Variants in CHI3L2 observed in about 807,000 individuals in gnomAD.
CHI3L2 encodes chitinase-3-like protein 2.
CHI3L2 carries 47 observed loss-of-function variants against 47.3 expected under a neutral mutation model. That is an observed-to-expected ratio of 0.99 (90% CI 0.79 to 1.27). The LOEUF is 1.27. CHI3L2 is among the 50% of genes most tolerant of loss of function. The pLI is 0.00. For missense variants in CHI3L2, 497 were observed against 462.1 expected, an observed-to-expected ratio of 1.08 and a Z score of -0.69; for synonymous variants, 198 against 169.9, an observed-to-expected ratio of 1.17 and a Z score of -1.28.
At chr1:111,234,023 T>C (rs1373671005) in intron 4 of CHI3L2, among the ~76,000 whole-genome samples, 6 of 149,802 alleles carry the variant, frequency 4.0e-5, no homozygotes, top group African/African-American at 1.2e-4. Context: ...CACCACTCCC[T>C]AATCTCAAGT....
chr1:111,233,269 C>T (rs1486012834), intron 4 of CHI3L2, among the ~76,000 whole-genome samples: 4 of 152,012 alleles, frequency 2.6e-5, no homozygotes, highest in Admixed American at 2.0e-4. Context: ...TATTTGTGGC[C>T]GGGATGCTTG....
intron 1 of CHI3L2, among the ~76,000 whole-genome samples, chr1:111,228,204 C>G (rs2101542013): frequency 6.6e-6 from 1 of 152,236 alleles, no homozygotes; most frequent in African/African-American, 2.4e-5. Context: ...TTTTTAAACT[C>G]TCCCTTTCAA....
Position 111,234,952 on chromosome 1 carries a change from T to C in CHI3L2, c.375T>C (p.Ile125=), listed in dbSNP as rs922803383. Residue 125 remains isoleucine, a synonymous_variant, in exon 5 of 11, where the codon ATT becomes ATC. Transcript: ENST00000369748. ...VDSSTSRLEF[I]NSIILFLRNH... ...CTTCTACATCACGCTTGGAATTCAT[T>C]AACTCCATAATCCTGTTTCTGAGGA... is the stretch of plus-strand genomic sequence containing the variant. 6.2e-7 allele frequency: 1 copy of C among 1,614,118 alleles called. No homozygotes were observed. The highest frequency in any genetic ancestry group is 1.7e-5 in the Admixed American group (1 of 60,026).
At chr1:111,238,968 C>T (rs747333558) in intron 8 of CHI3L2, 36 bp downstream of exon 8, 39 of 1,532,720 alleles carry the variant, frequency 2.5e-5, no homozygotes, top group Non-Finnish European at 3.4e-5. Context: ...AGCTCCCTGC[C>T]ATGTCTGGGT....
At chr1:111,236,276 G>T in intron 7 of CHI3L2, 123 bp downstream of exon 7, 2 of 1,049,316 alleles carry the variant, frequency 1.9e-6, no homozygotes, top group African/African-American at 3.2e-5. Flanking sequence ...GAGGGAATTG[G>T]GTAGCCCCAG....
At chr1:111,236,264 A>C in intron 7 of CHI3L2, 111 bp downstream of exon 7, 15 of 1,228,356 alleles carry the variant, frequency 1.2e-5, no homozygotes, top group Non-Finnish European at 1.7e-5. Context: ...CTATGAGCCC[A>C]AGAGGGAATT....
intron 7 of CHI3L2, among the ~76,000 whole-genome samples, chr1:111,238,257 C>T (rs894621550): frequency 7.9e-5 from 12 of 152,204 alleles, no homozygotes; most frequent in Admixed American, 5.9e-4. Context: ...ATGGGCCATT[C>T]GTCACTCATA....
rs570265429 is a variant in CHI3L2 at position 111,233,305 on chromosome 1, T to C, written c.330-1602T>C. 2.0e-5 allele frequency among the ~76,000 whole-genome samples: 3 copies of C among 151,976 alleles called. No individual in the cohort carries two copies. The East Asian group carries it at 5.8e-4, about 29-fold the overall frequency. On this transcript the variant is annotated intron_variant, in intron 4 of 10. Coordinates refer to ENST00000369748, the MANE Select transcript of CHI3L2 (RefSeq NM_004000.3). ...TTTGGGGACCATGAAGTCACTGGAG[T>C]CCAGTTCTTTTTCCTGGAACTTCCC... is the stretch of plus-strand genomic sequence containing the variant.
intron 4 of CHI3L2, among the ~76,000 whole-genome samples, chr1:111,233,299 C>T (rs1659780159): frequency 2.0e-5 from 3 of 152,136 alleles, no homozygotes. Context: ...CATGAAGTCA[C>T]TGGAGTCCAG....
intron 9 of CHI3L2, among the ~76,000 whole-genome samples, chr1:111,241,688 G>A (rs1660062377): frequency 6.6e-6 from 1 of 152,202 alleles, no homozygotes; most frequent in Non-Finnish European, 1.5e-5. Flanking sequence ...ATTCTGATAA[G>A]TGAGGAGTGG....
chr1:111,236,101 GCC>G lies in CHI3L2; in HGVS notation c.685_686del (p.Pro229SerfsTer26). 1 of 1,614,180 alleles carries G rather than the reference GCC, an allele frequency of 6.2e-7. No individual in the cohort carries two copies. Among genetic ancestry groups the G allele is most frequent in the South Asian group, 1.1e-5 (1 of 91,086 alleles). Reference sequence around the variant, plus strand: ...AAGCCCCTTATCACTGGCCACAACAGCCCTCTGAGCAAGGGGTGGCAGGACAG... The same window carrying G: ...AAGCCCCTTATCACTGGCCACAACAGCTCTGAGCAAGGGGTGGCAGGACAG... On this transcript the variant is annotated frameshift_variant, in exon 7 of 11. Transcript: ENST00000369748. LOFTEE classifies it high-confidence loss of function.
Position 111,227,723 on chromosome 1 carries a change from C to G in CHI3L2, c.-7C>G, listed in dbSNP as rs1209943739. On this transcript the variant is annotated 5_prime_UTR_variant, in exon 1 of 11. Coordinates refer to ENST00000369748, the MANE Select transcript of CHI3L2 (RefSeq NM_004000.3). ...AATGTGTATCCCAGAAGAAGCTGGC[C>G]AAGGATATGGGAGCAACCACCATGG... is the stretch of plus-strand genomic sequence containing the variant. 1 of 1,614,046 alleles carries G rather than the reference C, an allele frequency of 6.2e-7. No homozygotes were observed. Among genetic ancestry groups the G allele is most frequent in the East Asian group, 2.2e-5 (1 of 44,884 alleles).
intron 7 of CHI3L2, 46 bp downstream of exon 7, chr1:111,236,199 G>A (rs201057979): frequency 9.9e-5 from 159 of 1,601,944 alleles, no homozygotes; most frequent in Non-Finnish European, 1.3e-4. Context: ...GTGGGGGTGG[G>A]GCTGGGGAGA....
Position 111,241,184 on chromosome 1 carries a change from G to A in CHI3L2, c.919-143G>A, listed in dbSNP as rs377169638. 49 of 711,922 alleles carry A rather than the reference G, an allele frequency of 6.9e-5. No individual in the cohort carries two copies. In the East Asian group the frequency reaches 1.1e-3, roughly 17 times the overall value. 44.1% of individuals were successfully genotyped at this position (711,922 alleles called of 1,614,324 possible). On this transcript the variant is annotated intron_variant, in intron 8 of 10. Coordinates refer to ENST00000369748, the MANE Select transcript of CHI3L2 (RefSeq NM_004000.3). ...ACACCCACTTCATATGATATATGTG[G>A]TCATTTCTCTCATTGTCTGATCCTT...
chr1:111,231,073 T>A, intron 3 of CHI3L2, 130 bp downstream of exon 3: 1 of 973,298 alleles, frequency 1.0e-6, no homozygotes, highest in Non-Finnish European at 1.6e-6. Context: ...GTATTTCTGA[T>A]CCTAACTGTT....
rs1272447761 is a variant in CHI3L2 at position 111,230,903 on chromosome 1, G to A, written c.232G>A (p.Glu78Lys). 3 of 1,614,178 alleles carry A rather than the reference G, an allele frequency of 1.9e-6. No homozygotes were observed. The highest frequency in any genetic ancestry group is 2.2e-5 in the East Asian group (1 of 44,882). The change falls in exon 3 of 11, where the codon GAA (glutamate) becomes AAA (lysine). Residue 78 changes from glutamate to lysine, a missense_variant. Transcript: ENST00000369748. Reference sequence around the variant, plus strand: ...CAAGGTTATCATCAAGGACAAGAGTGAAGTGATGCTCTACCAGACCATCAA... The same window carrying A: ...CAAGGTTATCATCAAGGACAAGAGTAAAGTGATGCTCTACCAGACCATCAA... ...NNKVIIKDKSEVMLYQTINSL... is the reference protein window; with the variant it reads ...NNKVIIKDKSKVMLYQTINSL...
chr1:111,236,242 A>G, intron 7 of CHI3L2, 89 bp downstream of exon 7: 1 of 1,404,696 alleles, frequency 7.1e-7, no homozygotes, highest in Non-Finnish European at 9.7e-7. Context: ...TCTGTCTTGA[A>G]CTGAGGAAGA....
chr1:111,241,782 C>T (rs561305258), intron 9 of CHI3L2, among the ~76,000 whole-genome samples: 30 of 152,240 alleles, frequency 2.0e-4, no homozygotes, highest in Non-Finnish European at 1.5e-4. Context: ...TTAATTATCT[C>T]GGGACAAACT....
intron 7 of CHI3L2, among the ~76,000 whole-genome samples, 167 bp from the exon 8 acceptor site, chr1:111,238,583 A>AT (rs1659951609): frequency 6.6e-6 from 1 of 152,246 alleles, no homozygotes; most frequent in South Asian, 2.1e-4. Flanking sequence ...TAAAGAGCAT[A>AT]TGTGCATTAC....
Sources: allele counts gnomAD v4.1 joint callset (sites outside exome capture counted in the v4.1 genomes callset), GRCh38; gene constraint gnomAD v4.1.1; transcripts MANE v1.5; gene names NCBI Gene and HGNC (gene_info 2026-07-23, HGNC 2026-07-21).